CEP164: variants seen among roughly 807,000 people sequenced by gnomAD.
CEP164 encodes the protein centrosomal protein 164.
CEP164 carries 162 observed loss-of-function variants against 182.7 expected under a neutral mutation model. That is an observed-to-expected ratio of 0.89 (90% CI 0.78 to 1.01). CEP164 has a LOEUF of 1.01. Among genes scored for constraint, CEP164 ranks in the 50% least tolerant of loss-of-function variants. CEP164 has a pLI of 0.00. For missense variants in CEP164, 1,735 were observed against 1,790.4 expected, an observed-to-expected ratio of 0.97 and a Z score of 0.56; for synonymous variants, 661 against 690.0, an observed-to-expected ratio of 0.96 and a Z score of 0.66.
chr11:117,370,918 TA>T (rs903872718), intron 8 of CEP164, among the ~76,000 whole-genome samples, 161 bp from the exon 9 acceptor site: 20 of 146,014 alleles, frequency 1.4e-4, no homozygotes, highest in East Asian at 1.2e-3. Context: ...CTCAAAAAAA[TA>T]AAAAAAAAAA....
chr11:117,356,823 G>C (rs2040353171), intron 5 of CEP164, among the ~76,000 whole-genome samples: 2 of 152,196 alleles, frequency 1.3e-5, no homozygotes, highest in African/African-American at 4.8e-5. Flanking sequence ...GCAAGATAGG[G>C]CTGAGGGTAT....
intron 4 of CEP164, among the ~76,000 whole-genome samples, chr11:117,349,970 T>A (rs1317090562): frequency 6.6e-6 from 1 of 152,128 alleles, no homozygotes; most frequent in African/African-American, 2.4e-5. Context: ...AGACGGAGTT[T>A]CACCATGTTG....
At chr11:117,337,903 G>T (rs553244655) in intron 2 of CEP164, among the ~76,000 whole-genome samples, 1 of 152,262 alleles carries the variant, frequency 6.6e-6, no homozygotes, top group South Asian at 2.1e-4. Flanking sequence ...ACACATGTTG[G>T]TATCCCCACT....
At chr11:117,395,850 C>T in intron 24 of CEP164, 128 bp downstream of exon 24, 2 of 1,242,578 alleles carry the variant, frequency 1.6e-6, no homozygotes, top group Non-Finnish European at 1.1e-6. Context: ...GGCAGAAGAG[C>T]CTGTGGCTAC....
chr11:117,382,441 C>G (rs926843016), intron 13 of CEP164, among the ~76,000 whole-genome samples: 1 of 152,082 alleles, frequency 6.6e-6, no homozygotes, highest in Non-Finnish European at 1.5e-5. Context: ...TTGTCTGTCC[C>G]CCTAGCAAGA....
At chr11:117,380,789 C>T in intron 12 of CEP164, 84 bp downstream of exon 12, 3 of 1,320,180 alleles carry the variant, frequency 2.3e-6, no homozygotes, top group Non-Finnish European at 3.2e-6. Context: ...TGGTGGCCGG[C>T]CTGGCTCAGT....
chr11:117,410,906 T>C lies in CEP164; in HGVS notation c.4163+12T>C. ...TACATGTCTGCCAGGTGAGCCTCCC[T>C]GGGGGCTGGTTGGGGTGGAACGTCA... is the stretch of plus-strand genomic sequence containing the variant. On this transcript the variant is annotated intron_variant, in intron 31 of 32. Coordinates refer to ENST00000278935, the MANE Select transcript of CEP164 (RefSeq NM_014956.5). 1 of 1,610,830 alleles carries C rather than the reference T, an allele frequency of 6.2e-7. No homozygotes were observed. Among genetic ancestry groups the C allele is most frequent in the South Asian group, 1.1e-5 (1 of 90,318 alleles).
intron 2 of CEP164, chr11:117,336,634 T>G: frequency 1.7e-6 from 2 of 1,148,662 alleles, no homozygotes; most frequent in South Asian, 1.2e-5. Context: ...TTCCACATGT[T>G]TAGGTGTGTC....
intron 9 of CEP164, 43 bp from the exon 10 acceptor site, chr11:117,373,708 G>T (rs1195877570): frequency 1.3e-6 from 2 of 1,558,744 alleles, no homozygotes; most frequent in Non-Finnish European, 8.8e-7. Flanking sequence ...ATGACTCTTT[G>T]TGCTCTGCTC....
intron 9 of CEP164, among the ~76,000 whole-genome samples, chr11:117,371,803 T>TTC (rs2042222326): frequency 6.6e-6 from 1 of 151,342 alleles, no homozygotes; most frequent in Non-Finnish European, 1.5e-5. Context: ...TACTTTTTTT[T>TTC]TTTTTTTCTG....
At chr11:117,370,945 T>C (rs1443780693) in intron 8 of CEP164, 135 bp from the exon 9 acceptor site, 1 of 865,922 alleles carries the variant, frequency 1.2e-6, no homozygotes, top group African/African-American at 1.7e-5. Flanking sequence ...AACTGGGTGA[T>C]TGATAACCAT....
At chr11:117,359,385 T>TA (rs2040680262) in intron 5 of CEP164, 3 of 984,766 alleles carry the variant, frequency 3.0e-6, no homozygotes, top group Non-Finnish European at 3.6e-6. Context: ...TGGCTGGTGT[T>TA]ACGATTATCA....
At chr11:117,407,457 C>CAAAAAAAA (rs1232486465) in intron 27 of CEP164, among the ~76,000 whole-genome samples, 24 of 68,884 alleles carry the variant, frequency 3.5e-4, no homozygotes, top group African/African-American at 4.7e-4. Context: ...TCTGTCTCTA[C>CAAAAAAAA]AAAAAAAAAA....
At chr11:117,344,041 T>G in intron 3 of CEP164, 125 bp from the exon 4 acceptor site, 4 of 618,772 alleles carry the variant, frequency 6.5e-6, no homozygotes, top group South Asian at 6.1e-5. Flanking sequence ...TATATGTTTA[T>G]TGTTTATAAT....
rs958334141 is a variant in CEP164, at chr11:117,353,029, G to T, written c.393+1041G>T. ...ATTTAGGTGGAGCAACTAAGACCTG[G>T]AGCCATACCAAAGTGAGGCCCAGGC... On this transcript the variant is annotated intron_variant, in intron 5 of 32. Transcript: ENST00000278935. Among the ~76,000 whole-genome samples, 54 of 152,118 alleles carry T rather than the reference G, an allele frequency of 3.5e-4. 1 individual carries two copies. Among genetic ancestry groups the T allele is most frequent in the African/African-American group, 1.3e-3 (54 of 41,410 alleles).
At chr11:117,326,193 G>A (rs1005979394), upstream of CEP164, among the ~76,000 whole-genome samples, 22 of 151,992 alleles carry the variant, frequency 1.4e-4, no homozygotes, top group Non-Finnish European at 4.4e-5. Flanking sequence ...TTCCAGGCAT[G>A]AGCCACTGTG....
At chr11:117,368,397 G>T (rs1000922268) in intron 8 of CEP164, among the ~76,000 whole-genome samples, 1 of 152,196 alleles carries the variant, frequency 6.6e-6, no homozygotes, top group Non-Finnish European at 1.5e-5. Flanking sequence ...TGAGAGGCAG[G>T]CAGGAGCTGG....
At chr11:117,389,910 C>T (rs934691527) in intron 15 of CEP164, among the ~76,000 whole-genome samples, 2 of 147,962 alleles carry the variant, frequency 1.4e-5, no homozygotes, top group African/African-American at 5.0e-5. Flanking sequence ...AAGTGCTGTA[C>T]TACCAAAACC....
intron 8 of CEP164, among the ~76,000 whole-genome samples, chr11:117,368,090 G>C (rs1260636876): frequency 6.6e-6 from 1 of 152,186 alleles, no homozygotes; most frequent in East Asian, 1.9e-4. Flanking sequence ...TTATGTGCTA[G>C]AAACTAAGTA....
Sources: allele counts gnomAD v4.1 joint callset (sites outside exome capture counted in the v4.1 genomes callset), GRCh38; gene constraint gnomAD v4.1.1; transcripts MANE v1.5; gene names NCBI Gene and HGNC (gene_info 2026-07-23, HGNC 2026-07-21).